Variants in OXR1 observed in about 807,000 individuals in gnomAD.
OXR1 encodes oxidation resistance 1.
Under a neutral mutation model 104.6 loss-of-function variants are expected in OXR1, and 41 were observed. The ratio of observed to expected loss-of-function variants is 0.39; its 90% CI spans 0.31 to 0.51. The LOEUF (loss-of-function observed/expected upper bound fraction) is 0.51. OXR1 is among the 20% of genes least tolerant of loss of function. The pLI is 0.77. For synonymous variants in OXR1, 348 were observed against 348.4 expected, an observed-to-expected ratio of 1.00 and a Z score of 0.01; for missense variants, 955 against 1,031.9, an observed-to-expected ratio of 0.93 and a Z score of 1.02.
chr8:106,426,505 T>A (rs1819127499), intron 2 of OXR1, among the ~76,000 whole-genome samples: 1 of 152,212 alleles, frequency 6.6e-6, no homozygotes, highest in Non-Finnish European at 1.5e-5. Flanking sequence ...TTAGATTTCT[T>A]CTGGAATGAA....
rs190002253 is a variant in OXR1, at chr8:106,461,453, C to T, written c.24-57490C>T. Among the ~76,000 whole-genome samples, 545 of 152,104 alleles carry T rather than the reference C, an allele frequency of 3.6e-3. 11 individuals are homozygous for T. Among genetic ancestry groups the T allele is most frequent in the Non-Finnish European group, 2.0e-3 (139 of 67,980 alleles). ...AGGCATGGTGGCGTGTACCTGTAAT[C>T]CCAGCTACTCAGGAGGCAGGAGAAT... is the stretch of plus-strand genomic sequence containing the variant. On this transcript the variant is annotated intron_variant, in intron 2 of 16. Coordinates refer to ENST00000517566, the MANE Select transcript of OXR1 (RefSeq NM_001198533.2).
At chr8:106,599,792 G>A (rs1302666959) in intron 3 of OXR1, among the ~76,000 whole-genome samples, 1 of 152,112 alleles carries the variant, frequency 6.6e-6, no homozygotes, top group African/African-American at 2.4e-5. Flanking sequence ...CAACCTTTTC[G>A]GTATCAGGGA....
At chr8:106,670,750 A>AT (rs1381170037) in intron 3 of OXR1, among the ~76,000 whole-genome samples, 4 of 152,166 alleles carry the variant, frequency 2.6e-5, no homozygotes, top group African/African-American at 9.7e-5. Flanking sequence ...GGTAAGTTCA[A>AT]TACAAGATAC....
At position 106,704,393 on chromosome 8, in the gene OXR1, C is replaced by CTT. The variant is rs71307084; in HGVS notation, c.860+1333_860+1334dup. ...TTTTTCTTTTTCTTTCTTTCTTCTT[C>CTT]TTTTTTTTTTTTTTTTTTTTTTTTT... On this transcript the variant is annotated intron_variant, in intron 8 of 16. Transcript: ENST00000517566. Among the ~76,000 whole-genome samples the CTT allele has an allele frequency of 9.1e-3, 436 of 47,864 alleles. 5 individuals carry two copies. The highest frequency in any genetic ancestry group is 0.01 in the Non-Finnish European group (297 of 28,568). The allele number at this position is 47,864 out of a possible 152,430, so 31.4% of individuals were successfully genotyped here.
intron 2 of OXR1, among the ~76,000 whole-genome samples, chr8:106,373,388 A>G (rs770025983): frequency 1.3e-5 from 2 of 152,204 alleles, no homozygotes; most frequent in Non-Finnish European, 2.9e-5. Flanking sequence ...CTGGTTGTTT[A>G]ATGTGCGTGT....
At chr8:106,466,294 G>T (rs1821166229) in intron 2 of OXR1, among the ~76,000 whole-genome samples, 2 of 151,886 alleles carry the variant, frequency 1.3e-5, no homozygotes, top group Admixed American at 1.3e-4. Flanking sequence ...ATAGAAGTAG[G>T]AAGGAAATAT....
intron 12 of OXR1, 48 bp from the exon 13 acceptor site, chr8:106,739,410 G>A (rs778946317): frequency 2.0e-6 from 3 of 1,530,380 alleles, no homozygotes; most frequent in Admixed American, 1.8e-5. Context: ...AATTTTGAAA[G>A]CATGTCACAA....
intron 2 of OXR1, among the ~76,000 whole-genome samples, chr8:106,421,848 A>C (rs1818919766): frequency 1.3e-5 from 1 of 79,320 alleles, no homozygotes; most frequent in African/African-American, 7.1e-5. Context: ...GCAATAAGAA[A>C]ATCTCTTTTC....
intron 11 of OXR1, among the ~76,000 whole-genome samples, chr8:106,731,617 G>A (rs1043609023): frequency 1.6e-4 from 25 of 152,188 alleles, no homozygotes; most frequent in African/African-American, 6.0e-4. Context: ...TGGATATCCA[G>A]TTGTTCCAAT....
chr8:106,277,935 C>T (rs1292628423), intron 1 of OXR1, among the ~76,000 whole-genome samples: 1 of 152,132 alleles, frequency 6.6e-6, no homozygotes, highest in Non-Finnish European at 1.5e-5. Context: ...TGTGTTTTCC[C>T]ATAGAAAATT....
At chr8:106,531,164 C>T (rs1814068900) in intron 3 of OXR1, among the ~76,000 whole-genome samples, 1 of 152,120 alleles carries the variant, frequency 6.6e-6, no homozygotes, top group African/African-American at 2.4e-5. Flanking sequence ...TTTGATAAGC[C>T]TCTTTCATAA....
At chr8:106,665,050 A>G (rs1374592668) in intron 3 of OXR1, among the ~76,000 whole-genome samples, 1 of 152,242 alleles carries the variant, frequency 6.6e-6, no homozygotes, top group African/African-American at 2.4e-5. Context: ...AATGTGAACT[A>G]TGCAAACATT....
At chr8:106,306,006 G>A (rs1192003183) in intron 1 of OXR1, among the ~76,000 whole-genome samples, 1 of 151,590 alleles carries the variant, frequency 6.6e-6, no homozygotes, top group East Asian at 1.9e-4. Flanking sequence ...CTTATTTTTA[G>A]GTTACCCTTC....
chr8:106,537,638 A>T (rs2130297372), intron 3 of OXR1, among the ~76,000 whole-genome samples: 1 of 152,136 alleles, frequency 6.6e-6, no homozygotes, highest in Admixed American at 6.5e-5. Context: ...CTATGTAAGA[A>T]ACCTGCACAT....
chr8:106,380,582 C>A (rs1318568349), intron 2 of OXR1, among the ~76,000 whole-genome samples: 1 of 152,154 alleles, frequency 6.6e-6, no homozygotes, highest in Non-Finnish European at 1.5e-5. Context: ...TCTACATTCC[C>A]ACCTACAGTG....
chr8:106,277,975 T>C (rs1330935407), intron 1 of OXR1, among the ~76,000 whole-genome samples: 1 of 152,202 alleles, frequency 6.6e-6, no homozygotes, highest in African/African-American at 2.4e-5. Context: ...GCTGATTGTA[T>C]GCTAGCACAA....
chr8:106,488,612 G>A (rs1020555616), intron 2 of OXR1, among the ~76,000 whole-genome samples: 3 of 150,850 alleles, frequency 2.0e-5, no homozygotes, highest in Admixed American at 2.0e-4. Context: ...AAGGTGTAAG[G>A]AAGGGATCCA....
intron 11 of OXR1, among the ~76,000 whole-genome samples, chr8:106,718,543 G>A (rs529318165): frequency 2.6e-5 from 4 of 152,168 alleles, no homozygotes; most frequent in African/African-American, 9.6e-5. Flanking sequence ...ACATGATAAA[G>A]AGTACTTTGG....
chr8:106,588,421 A>G (rs1032644754), intron 3 of OXR1, among the ~76,000 whole-genome samples: 1 of 152,092 alleles, frequency 6.6e-6, no homozygotes, highest in African/African-American at 2.4e-5. Flanking sequence ...CTAATGTGCC[A>G]AGCAAGGAGG....
Sources: gnomAD v4.1 joint callset for allele counts (sites outside exome capture counted in the v4.1 genomes callset) on GRCh38, gnomAD v4.1.1 for gene constraint, MANE v1.5 for transcripts, NCBI Gene and HGNC (gene_info 2026-07-23, HGNC 2026-07-21) for gene names.